PDK3: variants seen among roughly 807,000 people sequenced by gnomAD.
PDK3 encodes pyruvate dehydrogenase kinase, isozyme 3.
Under a neutral mutation model 32.0 loss-of-function variants are expected in PDK3, and 12 were observed. That is an observed-to-expected ratio of 0.37 (90% CI 0.24 to 0.61). The LOEUF is 0.61. Ranked by LOEUF, PDK3 falls within the 20% of genes least tolerant of loss-of-function variation. The pLI is 0.65. For missense variants in PDK3, 188 were observed against 316.9 expected (o/e 0.59, Z 3.09); for synonymous variants, 122 against 116.3 (o/e 1.05, Z -0.31).
At chrX:24,468,562 G>C (rs998543892) in intron 1 of PDK3, among the ~76,000 whole-genome samples, 1 of 112,173 alleles carries the variant, frequency 8.9e-6, no homozygotes, top group African/African-American at 3.2e-5. Flanking sequence ...TGGGGGTGGA[G>C]AGCAGAGCAC....
At chrX:24,466,196 C>T (rs761627708) in intron 1 of PDK3, among the ~76,000 whole-genome samples, 1 of 111,320 alleles carries the variant, frequency 9.0e-6, no homozygotes, top group East Asian at 2.8e-4. Flanking sequence ...CGTTTCTCTT[C>T]TCCATTGGTG....
chrX:24,536,154 G>A (rs893039141), downstream of PDK3, among the ~76,000 whole-genome samples: 3 of 111,283 alleles, frequency 2.7e-5, no homozygotes, highest in Non-Finnish European at 5.7e-5. Context: ...GTGATGTTAT[G>A]ATTGAGCATA....
chrX:24,523,238 C>T (rs1440148780), intron 6 of PDK3, among the ~76,000 whole-genome samples: 2 of 112,211 alleles, frequency 1.8e-5, no homozygotes, highest in Admixed American at 1.9e-4. Context: ...TTAATCCCAT[C>T]CATAAGGGCT....
intron 1 of PDK3, among the ~76,000 whole-genome samples, chrX:24,488,334 A>G (rs773396744): frequency 5.4e-5 from 6 of 111,989 alleles, no homozygotes; most frequent in Admixed American, 1.9e-4. Flanking sequence ...GACAAAGCAA[A>G]TCATACCTTT....
chrX:24,537,282 A>ATTTTTTTTTTTTTT (rs1167543267), downstream of PDK3, among the ~76,000 whole-genome samples: 1 of 65,684 alleles, frequency 1.5e-5, no homozygotes, highest in Non-Finnish European at 2.8e-5. Context: ...ACGCCTGGCT[A>ATTTTTTTTTTTTTT]TTTTTTTTTT....
chrX:24,536,619 T>C (rs1922782534), downstream of PDK3, among the ~76,000 whole-genome samples: 1 of 112,145 alleles, frequency 8.9e-6, no homozygotes, highest in South Asian at 3.7e-4. Context: ...TTATAGTAGA[T>C]TTTGTTACTT....
At chrX:24,487,165 T>A (rs960881258) in intron 1 of PDK3, among the ~76,000 whole-genome samples, 1 of 112,895 alleles carries the variant, frequency 8.9e-6, no homozygotes, top group East Asian at 2.7e-4. Context: ...AACCATTTGG[T>A]AGGTCTCCAT....
exon 12 of PDK3, among the ~76,000 whole-genome samples, chrX:24,541,469 T>G (rs1225053221): frequency 9.0e-6 from 1 of 111,730 alleles, no homozygotes; most frequent in African/African-American, 3.3e-5. Context: ...ATTCTTCCCT[T>G]TACAAGTGTT....
At chrX:24,508,036 G>A (rs7051439) in intron 5 of PDK3, among the ~76,000 whole-genome samples, 11,896 of 111,054 alleles carry the variant, frequency 0.11, 879 homozygotes, top group African/African-American at 0.26. Context: ...CTGTTCTCAT[G>A]TTGCTATAAA....
chrX:24,504,558 G>A (rs1040454134), intron 4 of PDK3, among the ~76,000 whole-genome samples: 6 of 111,668 alleles, frequency 5.4e-5, no homozygotes, highest in East Asian at 2.8e-4. Flanking sequence ...TTTGTTAGTC[G>A]CAATTTTTGC....
intron 5 of PDK3, among the ~76,000 whole-genome samples, chrX:24,515,867 A>G (rs1345352519): frequency 1.8e-5 from 2 of 111,206 alleles, no homozygotes; most frequent in Non-Finnish European, 3.8e-5. Flanking sequence ...ACTCTTTTAA[A>G]CATTTTTTTT....
chrX:24,521,468 T>G (rs893921298), intron 6 of PDK3, among the ~76,000 whole-genome samples: 5 of 109,989 alleles, frequency 4.5e-5, no homozygotes, highest in Non-Finnish European at 7.6e-5. Flanking sequence ...CTGAGAAGAG[T>G]CATGTCCCCA....
intron 1 of PDK3, among the ~76,000 whole-genome samples, chrX:24,492,689 C>G (rs895175679): frequency 2.7e-5 from 3 of 110,504 alleles, no homozygotes; most frequent in Non-Finnish European, 5.7e-5. Context: ...GGGACTGTCT[C>G]TATATTATTT....
intron 10 of PDK3, 138 bp from the exon 11 acceptor site, chrX:24,533,791 C>A: frequency 1.6e-6 from 1 of 643,067 alleles, no homozygotes; most frequent in Non-Finnish European, 2.2e-6. Context: ...AAGTAAACTA[C>A]TAAGGTGTAA....
chrX:24,484,308 C>T (rs889944416), intron 1 of PDK3, among the ~76,000 whole-genome samples: 2 of 112,638 alleles, frequency 1.8e-5, no homozygotes, highest in Non-Finnish European at 3.8e-5. Context: ...CATGCCCAGC[C>T]AGGAAATATT....
At chrX:24,530,866 G>A (rs769961875) in intron 9 of PDK3, among the ~76,000 whole-genome samples, 2 of 111,780 alleles carry the variant, frequency 1.8e-5, no homozygotes, top group Non-Finnish European at 3.8e-5. Flanking sequence ...CGGAACCTTA[G>A]TAGTTGCCTC....
chrX:24,490,632 C>T (rs916235754), intron 1 of PDK3, among the ~76,000 whole-genome samples: 8 of 112,020 alleles, frequency 7.1e-5, no homozygotes, highest in African/African-American at 2.6e-4. Flanking sequence ...GAAATGTTCA[C>T]GTATTTCACT....
chrX:24,474,231 C>T (rs1395482546), intron 1 of PDK3, among the ~76,000 whole-genome samples: 2 of 110,932 alleles, frequency 1.8e-5, no homozygotes, highest in Non-Finnish European at 3.8e-5. Flanking sequence ...AGGCGCTCAC[C>T]TCTTTTTTGT....
At chrX:24,486,710 C>T (rs1012069107) in intron 1 of PDK3, among the ~76,000 whole-genome samples, 2 of 111,525 alleles carry the variant, frequency 1.8e-5, no homozygotes, top group African/African-American at 6.5e-5. Context: ...CAGCTCACTG[C>T]AGCCTCGACC....
Sources: gnomAD v4.1 joint callset for allele counts (sites outside exome capture counted in the v4.1 genomes callset) on GRCh38, gnomAD v4.1.1 for gene constraint, MANE v1.5 for transcripts, NCBI Gene and HGNC (gene_info 2026-07-23, HGNC 2026-07-21) for gene names.